The following ZNF451 variants were observed in gnomAD, a reference collection of about 807,000 sequenced individuals.
ZNF451 encodes the protein E3 SUMO-protein ligase ZNF451.
ZNF451 carries 80 observed loss-of-function variants against 107.1 expected under a neutral mutation model. That is an observed-to-expected ratio of 0.75 (90% CI 0.62 to 0.90). ZNF451 has a LOEUF of 0.90. Among genes scored for constraint, ZNF451 ranks in the 40% least tolerant of loss-of-function variants. The probability of loss-of-function intolerance (pLI) is 0.00; values close to 1 mark genes in which losing one functional copy is unlikely to be tolerated. For missense variants in ZNF451, 1,107 were observed against 1,236.2 expected, an observed-to-expected ratio of 0.90 and a Z score of 1.57; for synonymous variants, 362 against 406.5, an observed-to-expected ratio of 0.89 and a Z score of 1.32.
At chr6:57,119,871 T>G (rs1443335307) in intron 3 of ZNF451, among the ~76,000 whole-genome samples, 1 of 151,952 alleles carries the variant, frequency 6.6e-6, no homozygotes. Context: ...TTTTTTTTGG[T>G]AGGTAAACAG....
chr6:57,134,944 T>A, intron 7 of ZNF451, 74 bp downstream of exon 7: 1 of 1,302,250 alleles, frequency 7.7e-7, no homozygotes, highest in Non-Finnish European at 1.1e-6. Flanking sequence ...TTTTTCCTGC[T>A]GTTCTTAAGC....
chr6:57,096,176 GTTTTTTTTTTTTTTTT>G (rs749589304), intron 2 of ZNF451, among the ~76,000 whole-genome samples: 1 of 58,462 alleles, frequency 1.7e-5, no homozygotes, highest in African/African-American at 7.1e-5. Flanking sequence ...CTTTCTTTCT[GTTTTTTTTTTTTTTTT>G]TTTTTTTTTG....
intron 3 of ZNF451, chr6:57,107,520 A>C: frequency 1.0e-6 from 1 of 984,258 alleles, no homozygotes; most frequent in Non-Finnish European, 1.2e-6. Flanking sequence ...TGTTCACACA[A>C]GTTTATTATA....
intron 3 of ZNF451, chr6:57,106,613 T>A: frequency 3.4e-5 from 9 of 265,958 alleles, no homozygotes; most frequent in Non-Finnish European, 5.1e-5. Context: ...GCTGTGAAAT[T>A]TTTTTTTTTT....
At chr6:57,114,091 A>C (rs1277978905) in intron 3 of ZNF451, among the ~76,000 whole-genome samples, 1 of 152,028 alleles carries the variant, frequency 6.6e-6, no homozygotes, top group Non-Finnish European at 1.5e-5. Context: ...ATCTGAAGTT[A>C]CTTAAGTAGA....
chr6:57,138,788 T>A (rs1455101081), intron 7 of ZNF451, among the ~76,000 whole-genome samples: 1 of 91,816 alleles, frequency 1.1e-5, no homozygotes, highest in African/African-American at 3.7e-5. Flanking sequence ...TATATATATA[T>A]AAAATTTTTT....
rs765689212 is a variant in ZNF451, at chr6:57,148,126, G to A, written c.2041G>A (p.Ala681Thr). ...TGATCTTATCTTTAATGTGGAAGAA[G>A]CATTTCTGAGTCATTATGAGGAGCA... ...LCDLIFNVEE[A>T]FLSHYEEHHS... The change falls in exon 10 of 15, where the codon GCA becomes ACA. Residue 681 changes from alanine (A) to threonine (T), a missense_variant. Ala to Thr is a moderately conservative substitution (Grantham distance 58). Transcript: ENST00000370706. 5.0e-6 allele frequency: 8 copies of A among 1,613,894 alleles called. No homozygotes were observed. The highest frequency in any genetic ancestry group is 6.8e-6 in the Non-Finnish European group (8 of 1,179,970).
At chr6:57,100,856 C>T (rs1175507833) in intron 3 of ZNF451, 14 of 1,548,882 alleles carry the variant, frequency 9.0e-6, no homozygotes, top group Non-Finnish European at 1.1e-5. Context: ...CAGACTCTGC[C>T]TTCATCTCCA....
chr6:57,093,071 G>C (rs1562583346), intron 2 of ZNF451: 4 of 152,098 alleles, frequency 2.6e-5, no homozygotes, highest in African/African-American at 7.2e-5. Flanking sequence ...TCTTATTTCT[G>C]TTTAGTAATA....
At chr6:57,105,952 A>G in intron 3 of ZNF451, 2 of 984,998 alleles carry the variant, frequency 2.0e-6, no homozygotes, top group Non-Finnish European at 2.4e-6. Flanking sequence ...TTATTTACTT[A>G]GCCCTCAAAA....
chr6:57,166,391 G>T (rs1360710518), intron 14 of ZNF451, among the ~76,000 whole-genome samples: 1 of 151,992 alleles, frequency 6.6e-6, no homozygotes, highest in African/African-American at 2.4e-5. Flanking sequence ...ACTGTAACTT[G>T]TATAAACTTT....
intron 3 of ZNF451, among the ~76,000 whole-genome samples, chr6:57,122,316 G>A (rs940786728): frequency 6.6e-6 from 1 of 152,030 alleles, no homozygotes; most frequent in African/African-American, 2.4e-5. Context: ...CATTGACTTA[G>A]GCAAAGAATT....
In ZNF451 at chr6:57,161,134, G is replaced by T. The variant is rs1374874562; in HGVS notation, c.3121G>T (p.Glu1041Ter). 2.0e-6 allele frequency: 3 copies of T among 1,535,704 alleles called. No homozygotes were observed. The highest frequency in any genetic ancestry group is 1.4e-5 in the African/African-American group (1 of 71,102). The change falls in exon 14 of 15, where the codon GAA becomes TAA. Residue 1041 changes from glutamate (E) to a stop codon, truncating the protein, a stop_gained. Coordinates refer to ENST00000370706, the MANE Select transcript of ZNF451 (RefSeq NM_001031623.3). LOFTEE classifies it high-confidence loss of function. ...MGAKNTSIGE[E>*]FISTEDVELE... is the part of the protein sequence containing the mutation. ...TGCCAAAAATACTTCAATAGGAGAA[G>T]AATTTATATCCACAGAAGGTAACCT...
At chr6:57,096,176 GTTTTTTTTTT>G (rs749589304) in intron 2 of ZNF451, among the ~76,000 whole-genome samples, 6 of 58,462 alleles carry the variant, frequency 1.0e-4, no homozygotes, top group African/African-American at 1.4e-4. Flanking sequence ...CTTTCTTTCT[GTTTTTTTTTT>G]TTTTTTTTTT....
intron 14 of ZNF451, chr6:57,165,101 A>C (rs1763837024): frequency 6.6e-6 from 1 of 152,136 alleles, no homozygotes; most frequent in South Asian, 2.1e-4. Context: ...GTTTTTTATA[A>C]GAAATCAGCT....
At chr6:57,152,734 C>T (rs1832408086) in intron 12 of ZNF451, among the ~76,000 whole-genome samples, 1 of 152,094 alleles carries the variant, frequency 6.6e-6, no homozygotes, top group African/African-American at 2.4e-5. Flanking sequence ...GCTGGGACTA[C>T]AGGAGCATAC....
At chr6:57,092,443 G>A (rs1232503675) in intron 2 of ZNF451, among the ~76,000 whole-genome samples, 1 of 152,084 alleles carries the variant, frequency 6.6e-6, no homozygotes, top group Non-Finnish European at 1.5e-5. Flanking sequence ...CCCAAATAAA[G>A]GTTCAGAGGT....
At chr6:57,099,595 A>T (rs1045618910) in intron 3 of ZNF451, 4 of 701,230 alleles carry the variant, frequency 5.7e-6, no homozygotes, top group South Asian at 1.5e-5. Context: ...TTTATAGGGG[A>T]TATATTACTT....
intron 3 of ZNF451, chr6:57,106,777 G>C: frequency 2.0e-6 from 2 of 985,244 alleles, no homozygotes; most frequent in Non-Finnish European, 2.4e-6. Context: ...CAATAGACTA[G>C]ATCGATTCTG....
Sources: allele counts gnomAD v4.1 joint callset (sites outside exome capture counted in the v4.1 genomes callset), GRCh38; gene constraint gnomAD v4.1.1; transcripts MANE v1.5; gene names NCBI Gene and HGNC (gene_info 2026-07-23, HGNC 2026-07-21).